The following GRIK3 variants were observed in gnomAD, a reference collection of about 807,000 sequenced individuals.
The protein encoded by GRIK3 is glutamate receptor ionotropic, kainate 3.
GRIK3 carries 29 observed loss-of-function variants against 102.5 expected under a neutral mutation model. That is an observed-to-expected ratio of 0.28 (90% CI 0.21 to 0.39). GRIK3 has a LOEUF of 0.39. Among genes scored for constraint, GRIK3 ranks in the 10% least tolerant of loss-of-function variants. The pLI is 1.00. For missense variants in GRIK3, 908 were observed against 1,252.4 expected, an observed-to-expected ratio of 0.73 and a Z score of 4.15; for synonymous variants, 511 against 504.9, an observed-to-expected ratio of 1.01 and a Z score of -0.16.
intron 1 of GRIK3, among the ~76,000 whole-genome samples, chr1:36,923,778 G>A (rs1641498336): frequency 1.3e-5 from 2 of 152,138 alleles, no homozygotes; most frequent in South Asian, 2.1e-4. Context: ...CCCATCGGGG[G>A]TGTATCCAGA....
intron 1 of GRIK3, among the ~76,000 whole-genome samples, chr1:36,895,580 C>T (rs1025083843): frequency 3.3e-5 from 5 of 151,958 alleles, no homozygotes; most frequent in African/African-American, 1.2e-4. Context: ...ATAGAAACTT[C>T]CAAAACTGAA....
chr1:36,913,166 G>A (rs1455576488), intron 1 of GRIK3, among the ~76,000 whole-genome samples: 2 of 152,162 alleles, frequency 1.3e-5, no homozygotes, highest in African/African-American at 4.8e-5. Context: ...CCCTGGATGG[G>A]GGCGTGTCCC....
chr1:36,980,545 C>T (rs1188447726), intron 1 of GRIK3, among the ~76,000 whole-genome samples: 2 of 151,828 alleles, frequency 1.3e-5, no homozygotes, highest in African/African-American at 4.8e-5. Flanking sequence ...CTGAACCCTT[C>T]CCACCTGGAC....
At chr1:36,948,307 G>C (rs1641806556) in intron 1 of GRIK3, among the ~76,000 whole-genome samples, 1 of 152,228 alleles carries the variant, frequency 6.6e-6, no homozygotes, top group Non-Finnish European at 1.5e-5. Flanking sequence ...TCTACTGTGT[G>C]CCAGATCCTG....
At chr1:37,008,346 T>C (rs1225703166) in intron 1 of GRIK3, among the ~76,000 whole-genome samples, 1 of 152,194 alleles carries the variant, frequency 6.6e-6, no homozygotes, top group African/African-American at 2.4e-5. Flanking sequence ...TCCATTGGGT[T>C]TGTGTGAGGA....
In GRIK3 at chr1:36,880,900, G is replaced by T; in HGVS notation, c.293-9C>A. On this transcript the variant is annotated splice_polypyrimidine_tract_variant and intron_variant, in intron 2 of 15. Transcript: ENST00000373091. This position sits in a 1 kb window ranked among gnomAD's most constrained non-coding sequence, Gnocchi z 5.4. The stretch of plus-strand genomic sequence containing the variant: ...TGCCAGCTGGTCACAGGCTGCAACA[G>T]AGGGTAGGGCAGCACAGGGGTCAGC... 1 of 1,597,232 alleles carries T rather than the reference G, an allele frequency of 6.3e-7. No individual in the cohort carries two copies.
At chr1:36,844,348 T>A (rs1017676575) in intron 9 of GRIK3, among the ~76,000 whole-genome samples, 4 of 152,036 alleles carry the variant, frequency 2.6e-5, no homozygotes, top group Admixed American at 2.0e-4. Context: ...TGGAGAAGAG[T>A]CCACGTGGGG....
chr1:36,889,411 T>G (rs1641077494), intron 2 of GRIK3, among the ~76,000 whole-genome samples: 1 of 151,958 alleles, frequency 6.6e-6, no homozygotes, highest in African/African-American at 2.4e-5. Flanking sequence ...ATGGTATGGA[T>G]GTGGCTGGAA....
intron 1 of GRIK3, among the ~76,000 whole-genome samples, chr1:37,006,787 G>A (rs1347829777): frequency 6.6e-6 from 1 of 152,232 alleles, no homozygotes; most frequent in East Asian, 1.9e-4. Context: ...GGATCCTGGA[G>A]GGGCTGGAGC....
chr1:36,916,061 A>G (rs761259863), intron 1 of GRIK3, among the ~76,000 whole-genome samples: 1 of 152,188 alleles, frequency 6.6e-6, no homozygotes, highest in Non-Finnish European at 1.5e-5. Context: ...TGATAATGAT[A>G]TCGTCAATGA....
At position 36,841,845 on chromosome 1, in the gene GRIK3, G is replaced by C; in HGVS notation, c.1421C>G (p.Ala474Gly). The change falls in exon 10 of 16, where the codon GCC becomes GGC. Residue 474 changes from alanine to glycine, a missense_variant. Coordinates refer to ENST00000373091, the MANE Select transcript of GRIK3 (RefSeq NM_000831.4). ...CTCATAGGAGAAACCAAGGATGTGG[G>C]CCAGCTCCTTTAGCAGGTCGATGCA... is the stretch of plus-strand genomic sequence containing the variant. The part of the protein sequence containing the change: ...GYCIDLLKEL[A>G]HILGFSYEIR... 1 of 1,614,036 alleles carries C rather than the reference G, an allele frequency of 6.2e-7. No individual in the cohort carries two copies. The highest frequency in any genetic ancestry group is 8.5e-7 in the Non-Finnish European group (1 of 1,179,900).
Position 36,870,714 on chromosome 1 carries a change from A to G in GRIK3, c.733-913T>C, listed in dbSNP as rs140006142. Reference sequence around the variant, plus strand: ...TAAAATCAGACAGACCTGGGAGTCCATTCTGGCTTCCTGCCTGGATGACCT... The same window carrying G: ...TAAAATCAGACAGACCTGGGAGTCCGTTCTGGCTTCCTGCCTGGATGACCT... On this transcript the variant is annotated intron_variant, in intron 4 of 15. Coordinates refer to ENST00000373091, the MANE Select transcript of GRIK3 (RefSeq NM_000831.4). Among the ~76,000 whole-genome samples the G allele has an allele frequency of 8.6e-3, 1,313 of 152,310 alleles. 14 individuals are homozygous for G. Among genetic ancestry groups the G allele is most frequent in the African/African-American group, 0.028 (1,179 of 41,558 alleles).
chr1:36,887,774 ATAT>A (rs1641057390), intron 2 of GRIK3, among the ~76,000 whole-genome samples: 11 of 75,510 alleles, frequency 1.5e-4, no homozygotes, highest in African/African-American at 6.7e-4. Context: ...AAAAAAAAAT[ATAT>A]ATATATATAT....
chr1:36,973,751 A>T (rs558506046), intron 1 of GRIK3, among the ~76,000 whole-genome samples: 14 of 152,160 alleles, frequency 9.2e-5, no homozygotes, highest in African/African-American at 3.1e-4. Flanking sequence ...CTTTAGGGAA[A>T]AACTCTCTCA....
intron 1 of GRIK3, among the ~76,000 whole-genome samples, chr1:36,898,859 G>A (rs764022125): frequency 6.6e-6 from 1 of 152,064 alleles, no homozygotes; most frequent in Non-Finnish European, 1.5e-5. Flanking sequence ...ACTATATATA[G>A]AGTCCAGAAA....
At chr1:36,966,387 A>C (rs888640996) in intron 1 of GRIK3, among the ~76,000 whole-genome samples, 25 of 152,340 alleles carry the variant, frequency 1.6e-4, no homozygotes, top group African/African-American at 5.5e-4. Flanking sequence ...GACGTTCATC[A>C]GAGCAGTCAA....
chr1:36,886,499 G>T (rs3767059), intron 2 of GRIK3, among the ~76,000 whole-genome samples: 3,210 of 152,310 alleles, frequency 0.021, 117 homozygotes, highest in East Asian at 0.12. Context: ...CTCCCTGAGG[G>T]ATAGAGGGTA....
At chr1:36,983,542 T>C (rs1226985921) in intron 1 of GRIK3, among the ~76,000 whole-genome samples, 1 of 152,018 alleles carries the variant, frequency 6.6e-6, no homozygotes, top group Admixed American at 6.6e-5. Context: ...GGGGCCATCA[T>C]CATTCTCATT....
intron 1 of GRIK3, among the ~76,000 whole-genome samples, chr1:36,972,898 G>A (rs1470247417): frequency 1.3e-5 from 2 of 152,152 alleles, no homozygotes; most frequent in East Asian, 3.9e-4. Flanking sequence ...AGGAGGATTC[G>A]TTGACACTCA....
Sources: allele counts gnomAD v4.1 joint callset (sites outside exome capture counted in the v4.1 genomes callset), GRCh38; gene constraint gnomAD v4.1.1; non-coding constraint Gnocchi (gnomAD v3.1); transcripts MANE v1.5; gene names NCBI Gene and HGNC (gene_info 2026-07-23, HGNC 2026-07-21).